RBFOX2: variants seen among roughly 807,000 people sequenced by gnomAD.
RBFOX2 encodes the protein RNA binding protein fox-1 homolog 2.
RBFOX2 carries 10 observed loss-of-function variants against 49.1 expected under a neutral mutation model. That is an observed-to-expected ratio of 0.20 (90% confidence interval 0.13 to 0.35). RBFOX2 has a LOEUF of 0.35. Ranked by LOEUF, RBFOX2 falls within the 10% of genes least tolerant of loss-of-function variation. The probability of loss-of-function intolerance (pLI) is 1.00; values close to 1 mark genes in which losing one functional copy is unlikely to be tolerated. For missense variants in RBFOX2, 323 were observed against 486.9 expected, an observed-to-expected ratio of 0.66 and a Z score of 3.17; for synonymous variants, 183 against 187.4, an observed-to-expected ratio of 0.98 and a Z score of 0.19.
At chr22:35,898,804 T>C (rs1359578851) in intron 1 of RBFOX2, among the ~76,000 whole-genome samples, 2 of 152,194 alleles carry the variant, frequency 1.3e-5, no homozygotes, top group Non-Finnish European at 2.9e-5. Context: ...AATTTTATAG[T>C]GTTATCTTTT....
At chr22:35,926,455 C>T (rs2051653435) in intron 1 of RBFOX2, among the ~76,000 whole-genome samples, 2 of 152,124 alleles carry the variant, frequency 1.3e-5, no homozygotes, top group African/African-American at 4.8e-5. Context: ...AATCAATTGC[C>T]TATATACAAA....
chr22:35,914,659 C>A (rs1603447352), intron 1 of RBFOX2, among the ~76,000 whole-genome samples: 1 of 152,208 alleles, frequency 6.6e-6, no homozygotes, highest in South Asian at 2.1e-4. Context: ...TCAGTCTCAG[C>A]TACAGCTCCG....
At chr22:35,788,384 T>C (rs572269023) in intron 2 of RBFOX2, among the ~76,000 whole-genome samples, 2 of 152,342 alleles carry the variant, frequency 1.3e-5, no homozygotes, top group Admixed American at 1.3e-4. Context: ...AATATTTATT[T>C]TTCCTCTTCC....
At chr22:35,848,558 A>T (rs1180244596) in intron 1 of RBFOX2, among the ~76,000 whole-genome samples, 1 of 152,218 alleles carries the variant, frequency 6.6e-6, no homozygotes, top group Non-Finnish European at 1.5e-5. Flanking sequence ...AATCCAAAAT[A>T]GCTTGGGCCT....
chr22:35,956,780 T>C (rs1191233214), intron 1 of RBFOX2, among the ~76,000 whole-genome samples: 2 of 152,232 alleles, frequency 1.3e-5, no homozygotes, highest in Admixed American at 6.5e-5. Context: ...AGTTTTCCTT[T>C]AGATAACTGT....
chr22:35,811,652 A>G (rs1951888388), intron 1 of RBFOX2, among the ~76,000 whole-genome samples: 1 of 152,224 alleles, frequency 6.6e-6, no homozygotes, highest in Non-Finnish European at 1.5e-5. Flanking sequence ...AAATAAAAAT[A>G]AATTGCTTTA....
intron 1 of RBFOX2, among the ~76,000 whole-genome samples, chr22:35,847,854 T>C (rs978770247): frequency 4.6e-5 from 7 of 152,030 alleles, no homozygotes; most frequent in Admixed American, 2.6e-4. Context: ...ACCAAAAAAA[T>C]TGGGGGTGGA....
intron 1 of RBFOX2, among the ~76,000 whole-genome samples, chr22:36,015,908 T>A (rs1303335710): frequency 6.6e-6 from 1 of 152,186 alleles, no homozygotes; most frequent in Non-Finnish European, 1.5e-5. Flanking sequence ...TGTGACTGTA[T>A]AAAAATCCCT....
intron 9 of RBFOX2, among the ~76,000 whole-genome samples, chr22:35,750,719 G>A (rs1192229912): frequency 1.3e-5 from 2 of 152,206 alleles, no homozygotes; most frequent in Non-Finnish European, 2.9e-5. Flanking sequence ...GCCTGACACT[G>A]GCAATATAAT....
chr22:35,983,323 ACCTT>A (rs2057549974), intron 1 of RBFOX2, among the ~76,000 whole-genome samples: 1 of 152,118 alleles, frequency 6.6e-6, no homozygotes, highest in Non-Finnish European at 1.5e-5. Flanking sequence ...CTGCTCTTGA[ACCTT>A]CCTTATTAAC....
At chr22:35,913,404 GATA>G (rs1264519722) in intron 1 of RBFOX2, among the ~76,000 whole-genome samples, 1 of 151,384 alleles carries the variant, frequency 6.6e-6, no homozygotes, top group African/African-American at 2.4e-5. Flanking sequence ...AGATGGCTAG[GATA>G]ATTTACAAGC....
chr22:35,742,824 AG>A (rs1439107709), exon 12 of RBFOX2: 2 of 152,432 alleles, frequency 1.3e-5, no homozygotes, highest in East Asian at 1.9e-4. Flanking sequence ...CCAATATGGG[AG>A]GGCAGCAATC....
At chr22:35,789,017 T>G (rs1478282169) in intron 2 of RBFOX2, among the ~76,000 whole-genome samples, 2 of 152,182 alleles carry the variant, frequency 1.3e-5, no homozygotes, top group Non-Finnish European at 2.9e-5. Flanking sequence ...AGGTCCTTAA[T>G]CTCTTATCTG....
chr22:36,014,122 CTTT>C (rs1338157670), intron 1 of RBFOX2, among the ~76,000 whole-genome samples: 1 of 137,790 alleles, frequency 7.3e-6, no homozygotes. Flanking sequence ...ATTATCATTT[CTTT>C]TTTTTTTTTT....
At position 35,743,976 on chromosome 22, in the gene RBFOX2, C is replaced by G. The variant is rs1037058350; in HGVS notation, c.*219G>C. The G allele has an allele frequency of 1.0e-5, 4 of 393,756 alleles. No individual in the cohort carries two copies. In the Admixed American group the frequency reaches 1.9e-4, roughly 18 times the overall value. 24.4% of individuals were successfully genotyped at this position (393,756 alleles called of 1,614,324 possible). On this transcript the variant is annotated 3_prime_UTR_variant, in exon 12 of 12. Transcript: ENST00000405409. ...GTTTAAAAAAAAAAAGAAAAAAATG[C>G]ACAATCTTTGGAACAAAAGAATTAA...
intron 2 of RBFOX2, among the ~76,000 whole-genome samples, chr22:35,782,645 A>G (rs1945437886): frequency 6.6e-6 from 1 of 152,104 alleles, no homozygotes; most frequent in African/African-American, 2.4e-5. Flanking sequence ...TCTGAAACAA[A>G]TCTGTACTCT....
intron 1 of RBFOX2, among the ~76,000 whole-genome samples, chr22:36,005,644 G>C (rs550637434): frequency 1.3e-5 from 2 of 152,200 alleles, no homozygotes; most frequent in Non-Finnish European, 2.9e-5. Flanking sequence ...GTACTAGTTC[G>C]TCGTCAGAAG....
At chr22:35,839,986 G>A (rs1335839991) in intron 1 of RBFOX2, among the ~76,000 whole-genome samples, 19 of 152,130 alleles carry the variant, frequency 1.2e-4, no homozygotes, top group Non-Finnish European at 5.9e-5. Flanking sequence ...CTATGGAGTT[G>A]AGGGAGGGGG....
At chr22:35,872,734 T>A (rs931436475) in intron 1 of RBFOX2, among the ~76,000 whole-genome samples, 1 of 152,216 alleles carries the variant, frequency 6.6e-6, no homozygotes, top group Non-Finnish European at 1.5e-5. Context: ...GCTGCTTGTA[T>A]CTTCTTCAGC....
Sources: gnomAD v4.1 joint callset for allele counts (sites outside exome capture counted in the v4.1 genomes callset) on GRCh38, gnomAD v4.1.1 for gene constraint, MANE v1.5 for transcripts, NCBI Gene and HGNC (gene_info 2026-07-23, HGNC 2026-07-21) for gene names.